RYR2: variants seen among roughly 807,000 people sequenced by gnomAD.
The protein encoded by RYR2 is ryanodine receptor 2, also known as cardiac muscle ryanodine receptor-calcium release channel.
RYR2 carries 227 observed loss-of-function variants against 601.1 expected under a neutral mutation model. The observed-to-expected ratio is 0.38, with a 90% CI of 0.34 to 0.42. RYR2 has a LOEUF of 0.42. Among genes scored for constraint, RYR2 ranks in the 10% least tolerant of loss-of-function variants. RYR2 has a pLI of 1.00. For synonymous variants in RYR2, 2,223 were observed against 2,175.1 expected (o/e 1.02, Z -0.61); for missense variants, 4,646 against 6,156.5 (o/e 0.75, Z 8.21).
At chr1:237,420,027 C>A (rs1313587905) in intron 11 of RYR2, among the ~76,000 whole-genome samples, 3 of 152,254 alleles carry the variant, frequency 2.0e-5, no homozygotes, top group Non-Finnish European at 4.4e-5. Flanking sequence ...CTTCTCTTTT[C>A]TCCAGTGAGA....
intron 1 of RYR2, among the ~76,000 whole-genome samples, chr1:237,081,572 G>C (rs148930577): frequency 2.6e-5 from 4 of 151,620 alleles, no homozygotes; most frequent in Non-Finnish European, 4.4e-5. Flanking sequence ...CATTTCTCAT[G>C]CATTTATGTT....
intron 1 of RYR2, among the ~76,000 whole-genome samples, chr1:237,184,040 T>TA (rs1389933978): frequency 1.2e-4 from 18 of 152,238 alleles, no homozygotes; most frequent in African/African-American, 4.3e-4. Flanking sequence ...ATTAATGACA[T>TA]AATCCTTTCC....
In RYR2 at chr1:237,568,123, A is replaced by G. The variant is rs533466088; in HGVS notation, c.3424-1022A>G. 1.3e-4 allele frequency among the ~76,000 whole-genome samples: 20 copies of G among 152,330 alleles called. No individual in the cohort carries two copies. The South Asian group carries it at 4.1e-3, about 32-fold the overall frequency. On this transcript the variant is annotated intron_variant, in intron 28 of 104. Coordinates refer to ENST00000366574, the MANE Select transcript of RYR2 (RefSeq NM_001035.3). Reference sequence around the variant, plus strand: ...GTTAAAATAACCTTTACTCCCAGTCAAATGATAGGCAAGAAAGGATACTCC... The same window carrying G: ...GTTAAAATAACCTTTACTCCCAGTCGAATGATAGGCAAGAAAGGATACTCC...
intron 1 of RYR2, among the ~76,000 whole-genome samples, chr1:237,044,956 C>CTTTTTTTT (rs4006366): frequency 6.9e-6 from 1 of 144,572 alleles, no homozygotes; most frequent in Non-Finnish European, 1.5e-5. Context: ...TCTTCTTCTT[C>CTTTTTTTT]TTTTTTTTTT....
At chr1:237,419,984 C>A (rs1055796162) in intron 11 of RYR2, among the ~76,000 whole-genome samples, 2 of 151,930 alleles carry the variant, frequency 1.3e-5, no homozygotes, top group African/African-American at 4.8e-5. Flanking sequence ...TGCCTAATGC[C>A]AATGTTTATA....
intron 1 of RYR2, among the ~76,000 whole-genome samples, chr1:237,170,652 A>G (rs1178159641): frequency 6.6e-6 from 1 of 152,260 alleles, no homozygotes; most frequent in Non-Finnish European, 1.5e-5. Context: ...TACAAGAAAG[A>G]AATTTGGAAA....
intron 82 of RYR2, among the ~76,000 whole-genome samples, 198 bp downstream of exon 82, chr1:237,757,974 A>T (rs1693096623): frequency 6.6e-6 from 1 of 152,220 alleles, no homozygotes; most frequent in Admixed American, 6.5e-5. Context: ...AAATGATGTC[A>T]AAATATCTGA....
At chr1:237,111,043 TCAA>T (rs1473162641) in intron 1 of RYR2, among the ~76,000 whole-genome samples, 1 of 152,152 alleles carries the variant, frequency 6.6e-6, no homozygotes, top group Non-Finnish European at 1.5e-5. Context: ...CTCTCTAGCT[TCAA>T]CATCCTTCTG....
At chr1:237,533,953 A>T (rs1668369634) in intron 25 of RYR2, among the ~76,000 whole-genome samples, 1 of 152,112 alleles carries the variant, frequency 6.6e-6, no homozygotes, top group African/African-American at 2.4e-5. Flanking sequence ...TTAAAATAAA[A>T]ATCTGATGAC....
Position 237,801,876 on chromosome 1 carries a change from A to C in RYR2, c.14111A>C (p.Lys4704Thr). The change falls in exon 98 of 105, where the codon AAG becomes ACG. Residue 4704 changes from lysine to threonine, a missense_variant. Physicochemically the swap from Lys to Thr is moderately conservative, Grantham distance 78 (BLOSUM62 -1). Transcript: ENST00000366574. ...TGCAGACTGAACTCCATTGATGTGA[A>C]GTATCAGATGTGGAAACTAGGAGTC... ...LSAVLNSIDV[K>T]YQMWKLGVVF... is the part of the protein sequence containing the mutation. 1 of 1,600,912 alleles carries C rather than the reference A, an allele frequency of 6.2e-7. No individual in the cohort carries two copies. Among genetic ancestry groups the C allele is most frequent in the Non-Finnish European group, 8.5e-7 (1 of 1,171,622 alleles).
At chr1:237,625,542 G>C in intron 39 of RYR2, 119 bp from the exon 40 acceptor site, 1 of 956,974 alleles carries the variant, frequency 1.0e-6, no homozygotes. Flanking sequence ...TTAACTTAAT[G>C]TTAGATGTTT....
chr1:237,715,913 AT>A (rs1407836908), intron 71 of RYR2, among the ~76,000 whole-genome samples: 1 of 152,138 alleles, frequency 6.6e-6, no homozygotes, highest in Non-Finnish European at 1.5e-5. Context: ...TAAATGATCC[AT>A]TTTTTAATGA....
At chr1:237,727,577 C>A (rs2149144220) in intron 76 of RYR2, among the ~76,000 whole-genome samples, 1 of 152,200 alleles carries the variant, frequency 6.6e-6, no homozygotes, top group South Asian at 2.1e-4. Context: ...AAGTTATTTA[C>A]TGGCGAATTT....
intron 11 of RYR2, among the ~76,000 whole-genome samples, chr1:237,421,271 G>A (rs1462046133): frequency 1.3e-5 from 2 of 151,984 alleles, no homozygotes; most frequent in African/African-American, 2.4e-5. Flanking sequence ...TAATAATAAT[G>A]ATAATTGTGG....
chr1:237,749,867 C>G (rs1362829022), intron 80 of RYR2, among the ~76,000 whole-genome samples: 1 of 152,102 alleles, frequency 6.6e-6, no homozygotes, highest in Non-Finnish European at 1.5e-5. Flanking sequence ...TAATGTCAGC[C>G]AGGTGCAGTG....
chr1:237,164,832 T>A lies in RYR2; in HGVS notation c.49-105665T>A, dbSNP rs150287745. Among the ~76,000 whole-genome samples the A allele has an allele frequency of 1.2e-3, 188 of 152,336 alleles. 1 individual carries two copies. The highest frequency in any genetic ancestry group is 1.5e-3 in the Non-Finnish European group (100 of 68,026). The stretch of plus-strand genomic sequence containing the variant: ...CAGTTTTGTTTTTCTCCACGTTTAC[T>A]GGGGCTTTGTCTAGCTCCTGTCCAT... On this transcript the variant is annotated intron_variant, in intron 1 of 104. Coordinates refer to ENST00000366574, the MANE Select transcript of RYR2 (RefSeq NM_001035.3).
At chr1:237,235,128 G>T (rs949375933) in intron 1 of RYR2, among the ~76,000 whole-genome samples, 2 of 152,130 alleles carry the variant, frequency 1.3e-5, no homozygotes, top group Admixed American at 1.3e-4. Context: ...CTTCTCTCCA[G>T]TTCTTCTTTA....
intron 49 of RYR2, among the ~76,000 whole-genome samples, chr1:237,649,386 C>G (rs917697021): frequency 2.0e-5 from 3 of 151,988 alleles, no homozygotes; most frequent in African/African-American, 7.3e-5. Context: ...CGTTGTGGAC[C>G]TGGATAGTAT....
intron 1 of RYR2, among the ~76,000 whole-genome samples, chr1:237,211,120 C>G (rs1013462946): frequency 6.6e-6 from 1 of 152,158 alleles, no homozygotes; most frequent in Non-Finnish European, 1.5e-5. Context: ...TATATGGTGA[C>G]ACGGACGCGG....
Sources: allele counts gnomAD v4.1 joint callset (sites outside exome capture counted in the v4.1 genomes callset), GRCh38; gene constraint gnomAD v4.1.1; transcripts MANE v1.5; gene names NCBI Gene and HGNC (gene_info 2026-07-23, HGNC 2026-07-21).